The following EXOC6B variants were observed in gnomAD, a reference collection of about 807,000 sequenced individuals.
EXOC6B encodes the protein SEC15 homolog B.
A neutral mutation model predicts 113.5 loss-of-function variants in EXOC6B; 54 were observed. The ratio of observed to expected loss-of-function variants is 0.48; its 90% CI spans 0.38 to 0.60. EXOC6B has a LOEUF of 0.60. EXOC6B is among the 20% of genes least tolerant of loss of function. The pLI is 0.00. For synonymous variants in EXOC6B, 357 were observed against 339.0 expected, an observed-to-expected ratio of 1.05 and a Z score of -0.58; for missense variants, 797 against 977.5, an observed-to-expected ratio of 0.82 and a Z score of 2.46.
intron 1 of EXOC6B, among the ~76,000 whole-genome samples, chr2:72,775,948 T>C (rs746475584): frequency 2.6e-5 from 4 of 152,212 alleles, no homozygotes; most frequent in African/African-American, 4.8e-5. Context: ...ATTATATCAA[T>C]GTCAATATCC....
chr2:72,633,681 C>A (rs1159249685), intron 6 of EXOC6B, among the ~76,000 whole-genome samples: 6 of 152,078 alleles, frequency 3.9e-5, no homozygotes, highest in African/African-American at 1.4e-4. Context: ...AGGTAAAACA[C>A]CTGGAACAGT....
chr2:72,263,263 T>C (rs1276139076), intron 20 of EXOC6B: 1 of 152,236 alleles, frequency 6.6e-6, no homozygotes, highest in Non-Finnish European at 1.5e-5. Context: ...GTGCAGTACT[T>C]TGACTATGAC....
At chr2:72,783,629 G>T (rs991060746) in intron 1 of EXOC6B, among the ~76,000 whole-genome samples, 26 of 151,822 alleles carry the variant, frequency 1.7e-4, no homozygotes, top group Non-Finnish European at 5.9e-5. Context: ...GCCCCTGTTG[G>T]TCATTTCTAT....
intron 6 of EXOC6B, among the ~76,000 whole-genome samples, chr2:72,633,036 T>C (rs1445498725): frequency 6.6e-6 from 1 of 152,240 alleles, no homozygotes; most frequent in Non-Finnish European, 1.5e-5. Flanking sequence ...AATGAACTTG[T>C]ACACTTTCTG....
chr2:72,342,728 C>A (rs545318721), intron 19 of EXOC6B, among the ~76,000 whole-genome samples: 1 of 152,142 alleles, frequency 6.6e-6, no homozygotes, highest in South Asian at 2.1e-4. Context: ...GAGGCCAAGA[C>A]CAGCCTGGGC....
At chr2:72,464,277 G>C (rs1001637645) in intron 18 of EXOC6B, 8 of 152,148 alleles carry the variant, frequency 5.3e-5, no homozygotes, top group African/African-American at 1.9e-4. Context: ...AAACGAAAGA[G>C]TACAGGAGGC....
At position 72,586,777 on chromosome 2, in the gene EXOC6B, G is replaced by A. The variant is rs1474957204; in HGVS notation, c.670-11109C>T. On this transcript the variant is annotated intron_variant, in intron 6 of 21. Transcript: ENST00000272427. ...AAAAAATAAAAAAATAAAAAAAAAA[G>A]AAGACATTCATCAACAAACAAAAAT... 3.3e-5 allele frequency among the ~76,000 whole-genome samples: 5 copies of A among 151,358 alleles called. No homozygotes were observed. In the East Asian group the frequency reaches 7.7e-4, roughly 23 times the overall value.
intron 20 of EXOC6B, among the ~76,000 whole-genome samples, chr2:72,195,181 T>G: frequency 6.6e-6 from 1 of 152,190 alleles, no homozygotes; most frequent in East Asian, 1.9e-4. Context: ...GGCTTCAGAT[T>G]CTCCTGTTGT....
At chr2:72,395,253 C>G (rs1163466283) in intron 18 of EXOC6B, among the ~76,000 whole-genome samples, 1 of 152,184 alleles carries the variant, frequency 6.6e-6, no homozygotes, top group African/African-American at 2.4e-5. Context: ...AAAAAACACA[C>G]CACAGCCATA....
rs143769990 is a variant in EXOC6B at position 72,444,204 on chromosome 2, A to G, written c.1980+20956T>C. Among the ~76,000 whole-genome samples the G allele has an allele frequency of 1.1e-4, 17 of 152,366 alleles. No individual in the cohort carries two copies. The East Asian group carries it at 3.1e-3, about 28-fold the overall frequency. On this transcript the variant is annotated intron_variant, in intron 18 of 21. Coordinates refer to ENST00000272427, the MANE Select transcript of EXOC6B (RefSeq NM_015189.3). ...AAATCCAGCAGGGCAGTCAAATCTT[A>G]AAGCTCGAAAATGATCTCCTTTGAC...
Position 72,759,107 on chromosome 2 carries a change from T to C in EXOC6B, c.114-17638A>G, listed in dbSNP as rs535253910. 2.0e-5 allele frequency among the ~76,000 whole-genome samples: 3 copies of C among 152,348 alleles called. No individual in the cohort carries two copies. In the East Asian group the frequency reaches 5.8e-4, roughly 29 times the overall value. ...CCTTAGTTCTACCACTTAATAGTTG[T>C]GTGATCTTGGGCAAGTTTATTAAAC... On this transcript the variant is annotated intron_variant, in intron 1 of 21. Coordinates refer to ENST00000272427, the MANE Select transcript of EXOC6B (RefSeq NM_015189.3).
chr2:72,473,630 C>T (rs1698542786), intron 17 of EXOC6B, among the ~76,000 whole-genome samples: 1 of 151,906 alleles, frequency 6.6e-6, no homozygotes, highest in African/African-American at 2.4e-5. Flanking sequence ...TCCATTCAAC[C>T]AGTCTATATA....
intron 19 of EXOC6B, among the ~76,000 whole-genome samples, chr2:72,340,902 T>G (rs938249478): frequency 6.6e-6 from 1 of 152,076 alleles, no homozygotes; most frequent in Admixed American, 6.6e-5. Context: ...CAGGAGTTGA[T>G]GTACTCCACA....
intron 6 of EXOC6B, among the ~76,000 whole-genome samples, chr2:72,706,304 T>G (rs1678873744): frequency 6.6e-6 from 1 of 152,066 alleles, no homozygotes; most frequent in African/African-American, 2.4e-5. Context: ...CTGAAAGGTG[T>G]GTGTGTCATG....
At chr2:72,472,666 T>C (rs1351897611) in intron 17 of EXOC6B, among the ~76,000 whole-genome samples, 1 of 152,174 alleles carries the variant, frequency 6.6e-6, no homozygotes, top group Non-Finnish European at 1.5e-5. Flanking sequence ...GTTTCATTCA[T>C]CTTTTCATAT....
chr2:72,506,893 T>C (rs565009517), intron 11 of EXOC6B, among the ~76,000 whole-genome samples: 23 of 152,238 alleles, frequency 1.5e-4, no homozygotes, highest in Non-Finnish European at 2.2e-4. Flanking sequence ...ATATTATCAT[T>C]AACAATCATA....
chr2:72,800,399 T>C (rs1014546196), intron 1 of EXOC6B, among the ~76,000 whole-genome samples: 5 of 152,140 alleles, frequency 3.3e-5, no homozygotes, highest in Admixed American at 1.3e-4. Context: ...GCAGGAGGAC[T>C]CCAGAAAGTT....
intron 19 of EXOC6B, among the ~76,000 whole-genome samples, chr2:72,377,301 A>C (rs1187152442): frequency 6.6e-6 from 1 of 152,192 alleles, no homozygotes; most frequent in African/African-American, 2.4e-5. Flanking sequence ...GGAATTCCTC[A>C]AGTAGTTTTA....
chr2:72,579,250 C>T (rs1443355804), intron 6 of EXOC6B, among the ~76,000 whole-genome samples: 1 of 151,988 alleles, frequency 6.6e-6, no homozygotes, highest in African/African-American at 2.4e-5. Context: ...CAATAGGAAC[C>T]ATGAAAATAG....
Sources: allele counts gnomAD v4.1 joint callset (sites outside exome capture counted in the v4.1 genomes callset), GRCh38; gene constraint gnomAD v4.1.1; transcripts MANE v1.5; gene names NCBI Gene and HGNC (gene_info 2026-07-23, HGNC 2026-07-21).